Variants in CNBD1 observed in about 807,000 individuals in gnomAD.
CNBD1 encodes cyclic nucleotide-binding domain-containing protein 1.
CNBD1 carries 71 observed loss-of-function variants against 54.4 expected under a neutral mutation model. The observed-to-expected ratio is 1.30, with a 90% CI of 1.08 to 1.59. The LOEUF is 1.59. Among genes scored for constraint, CNBD1 ranks in the 40% most tolerant of loss-of-function variants. The probability of loss-of-function intolerance (pLI) is 0.00; values close to 1 mark genes in which losing one functional copy is unlikely to be tolerated. For missense variants in CNBD1, 659 were observed against 518.0 expected (o/e 1.27, Z -2.64); for synonymous variants, 182 against 170.7 (o/e 1.07, Z -0.51).
At chr8:87,086,266 G>A (rs181776224) in intron 4 of CNBD1, among the ~76,000 whole-genome samples, 5 of 152,048 alleles carry the variant, frequency 3.3e-5, no homozygotes, top group Admixed American at 6.5e-5. Flanking sequence ...CCTCTTCCTC[G>A]CATGCTCTGT....
Position 87,225,154 on chromosome 8 carries a change from G to A in CNBD1, c.578-11765G>A, listed in dbSNP as rs1217347271. On this transcript the variant is annotated intron_variant, in intron 5 of 10. Coordinates refer to ENST00000518476, the MANE Select transcript of CNBD1 (RefSeq NM_173538.3). Reference sequence around the variant, plus strand: ...TAAGGAGATTTTGGGCTGAGACAATGGGGTTTTCTAGATATACAATCATGT... The same window carrying A: ...TAAGGAGATTTTGGGCTGAGACAATAGGGTTTTCTAGATATACAATCATGT... Among the ~76,000 whole-genome samples, 644 of 149,834 alleles carry A rather than the reference G, an allele frequency of 4.3e-3. 4 individuals carry two copies. Among genetic ancestry groups the A allele is most frequent in the African/African-American group, 0.015 (594 of 40,462 alleles).
At chr8:87,382,498 C>T in intron 10 of CNBD1, 122 bp from the exon 11 acceptor site, 8 of 659,082 alleles carry the variant, frequency 1.2e-5, no homozygotes, top group Admixed American at 5.7e-5. Context: ...TTATTTTTTT[C>T]TTTTAAAGCA....
downstream of CNBD1, among the ~76,000 whole-genome samples, chr8:87,385,315 GC>G (rs1422190569): frequency 6.6e-6 from 1 of 152,110 alleles, no homozygotes; most frequent in Non-Finnish European, 1.5e-5. Flanking sequence ...CCAAAACAGG[GC>G]AAGGCATCGC....
At chr8:86,927,754 A>AT (rs562862279) in intron 3 of CNBD1, among the ~76,000 whole-genome samples, 184 of 152,258 alleles carry the variant, frequency 1.2e-3, no homozygotes, top group Non-Finnish European at 2.3e-3. Flanking sequence ...GGTGTTAAAG[A>AT]TTACATAGGT....
intron 3 of CNBD1, among the ~76,000 whole-genome samples, chr8:86,923,118 C>T (rs971484781): frequency 5.3e-5 from 8 of 152,080 alleles, no homozygotes; most frequent in African/African-American, 1.2e-4. Context: ...AACAAAACAG[C>T]GAAGGCAGTG....
At chr8:87,321,803 CTTTTTT>C (rs765165524) in intron 8 of CNBD1, among the ~76,000 whole-genome samples, 1 of 89,012 alleles carries the variant, frequency 1.1e-5, no homozygotes, top group African/African-American at 4.0e-5. Flanking sequence ...TTTTCTTTTT[CTTTTTT>C]TTTTTTTTTA....
chr8:87,337,544 G>A (rs555726037), intron 8 of CNBD1, among the ~76,000 whole-genome samples: 3 of 152,374 alleles, frequency 2.0e-5, no homozygotes, highest in African/African-American at 7.2e-5. Flanking sequence ...AATTCTAGCT[G>A]AGTGGCTGTT....
chr8:87,293,607 C>G (rs1808823828), intron 8 of CNBD1, among the ~76,000 whole-genome samples: 1 of 152,054 alleles, frequency 6.6e-6, no homozygotes, highest in South Asian at 2.1e-4. Flanking sequence ...GTACTCCTTA[C>G]TATGTAGGAC....
At chr8:87,185,242 T>G (rs1813449556) in intron 4 of CNBD1, among the ~76,000 whole-genome samples, 1 of 152,244 alleles carries the variant, frequency 6.6e-6, no homozygotes, top group African/African-American at 2.4e-5. Flanking sequence ...AAGCCTTCTA[T>G]AACCTTACTG....
At chr8:86,890,024 T>C (rs1389498796) in intron 2 of CNBD1, among the ~76,000 whole-genome samples, 1 of 152,162 alleles carries the variant, frequency 6.6e-6, no homozygotes. Context: ...AAAATATGTT[T>C]TTGTATATGT....
At chr8:86,947,004 CA>C (rs1484426826) in intron 4 of CNBD1, among the ~76,000 whole-genome samples, 2 of 152,042 alleles carry the variant, frequency 1.3e-5, no homozygotes, top group Non-Finnish European at 2.9e-5. Flanking sequence ...TTTAGAGAAA[CA>C]TAGATAATTA....
At chr8:87,106,111 A>G (rs78619864) in intron 4 of CNBD1, among the ~76,000 whole-genome samples, 1,875 of 152,140 alleles carry the variant, frequency 0.012, 46 homozygotes, top group African/African-American at 0.04. Flanking sequence ...GGAGATGAAT[A>G]TTAGATATTT....
At chr8:87,181,540 C>T (rs191622618) in intron 4 of CNBD1, among the ~76,000 whole-genome samples, 1 of 152,094 alleles carries the variant, frequency 6.6e-6, no homozygotes, top group Non-Finnish European at 1.5e-5. Flanking sequence ...ATTTTGATAT[C>T]CAAATAGTCT....
chr8:86,927,152 G>A (rs1200296456), intron 3 of CNBD1, among the ~76,000 whole-genome samples: 2 of 152,152 alleles, frequency 1.3e-5, no homozygotes, highest in African/African-American at 4.8e-5. Flanking sequence ...TACTCCTAGA[G>A]TACTTGCCAA....
At chr8:86,895,237 CTGTGTGTGTGTGCATGGTG>C (rs963476568) in intron 2 of CNBD1, among the ~76,000 whole-genome samples, 3 of 145,544 alleles carry the variant, frequency 2.1e-5, no homozygotes, top group African/African-American at 5.1e-5. Context: ...ATTTTTTTCT[CTGTGTGTGTGTGCATGGTG>C]TGTGTGTGTG....
At chr8:87,308,652 A>T (rs934571022) in intron 8 of CNBD1, among the ~76,000 whole-genome samples, 2 of 152,150 alleles carry the variant, frequency 1.3e-5, no homozygotes, top group African/African-American at 4.8e-5. Flanking sequence ...GTTGTTAACT[A>T]TAGTCACCTT....
At chr8:87,104,576 C>T (rs988174297) in intron 4 of CNBD1, among the ~76,000 whole-genome samples, 3 of 152,062 alleles carry the variant, frequency 2.0e-5, no homozygotes, top group Admixed American at 6.6e-5. Context: ...AGATCTGTGC[C>T]CCATTTCCAA....
chr8:87,130,263 C>T (rs972501775), intron 4 of CNBD1, among the ~76,000 whole-genome samples: 2 of 152,282 alleles, frequency 1.3e-5, no homozygotes, highest in Admixed American at 1.3e-4. Flanking sequence ...ATGGTTAGAG[C>T]ACATATTTTG....
intron 2 of CNBD1, among the ~76,000 whole-genome samples, chr8:87,421,325 C>T (rs1467513410): frequency 2.0e-5 from 3 of 150,256 alleles, no homozygotes; most frequent in Non-Finnish European, 4.4e-5. Flanking sequence ...GCACATTGTG[C>T]AGGTTAGTTA....
Sources: allele counts gnomAD v4.1 joint callset (sites outside exome capture counted in the v4.1 genomes callset), GRCh38; gene constraint gnomAD v4.1.1; transcripts MANE v1.5; gene names NCBI Gene and HGNC (gene_info 2026-07-23, HGNC 2026-07-21).